The following DOCK1 variants were observed in gnomAD, a reference collection of about 807,000 sequenced individuals.
DOCK1 encodes dedicator of cytokinesis protein 1.
DOCK1 carries 138 observed loss-of-function variants against 262.7 expected under a neutral mutation model. The ratio of observed to expected loss-of-function variants is 0.53; its 90% confidence interval spans 0.46 to 0.61. The LOEUF (loss-of-function observed/expected upper bound fraction) is 0.61. DOCK1 is among the 20% of genes least tolerant of loss of function. The pLI, the probability that DOCK1 is intolerant of heterozygous loss-of-function variation, is 0.00. For synonymous variants in DOCK1, 866 were observed against 867.4 expected, an observed-to-expected ratio of 1.00 and a Z score of 0.03; for missense variants, 1,908 against 2,370.7, an observed-to-expected ratio of 0.80 and a Z score of 4.05.
At chr10:127,052,555 C>A in intron 21 of DOCK1, 126 bp from the exon 22 acceptor site, 10 of 1,269,282 alleles carry the variant, frequency 7.9e-6, no homozygotes, top group Non-Finnish European at 1.1e-5. Context: ...AAACGTTTTA[C>A]AGATATTCAT....
At chr10:127,208,773 G>A (rs1027855743) in intron 27 of DOCK1, among the ~76,000 whole-genome samples, 1 of 152,142 alleles carries the variant, frequency 6.6e-6, no homozygotes, top group Admixed American at 6.5e-5. Context: ...GATATCATCT[G>A]TTAGATGATA....
chr10:127,181,880 G>A (rs915578868), intron 27 of DOCK1, among the ~76,000 whole-genome samples: 1 of 152,180 alleles, frequency 6.6e-6, no homozygotes. Flanking sequence ...TTTCCTTGGG[G>A]CAAAGCCAGC....
At chr10:127,156,559 CTTCTTTTTTTTT>C (rs2053090624) in intron 27 of DOCK1, among the ~76,000 whole-genome samples, 1 of 60,180 alleles carries the variant, frequency 1.7e-5, no homozygotes, top group Non-Finnish European at 3.1e-5. Context: ...TCTTCTTCTT[CTTCTTTTTTTTT>C]TTTTTTTTTT....
At chr10:127,120,269 C>T (rs2049470349) in intron 25 of DOCK1, among the ~76,000 whole-genome samples, 1 of 152,186 alleles carries the variant, frequency 6.6e-6, no homozygotes, top group South Asian at 2.1e-4. Flanking sequence ...ACTCTGCTTA[C>T]AATAAATGCC....
At chr10:126,968,233 T>A (rs2037826781) in intron 1 of DOCK1, among the ~76,000 whole-genome samples, 1 of 152,048 alleles carries the variant, frequency 6.6e-6, no homozygotes, top group Non-Finnish European at 1.5e-5. Context: ...TCCGCTCCTC[T>A]CTCCTACTCC....
chr10:126,925,774 C>G (rs933593865), intron 1 of DOCK1, among the ~76,000 whole-genome samples: 1 of 137,938 alleles, frequency 7.2e-6, no homozygotes, highest in Non-Finnish European at 1.6e-5. Flanking sequence ...GTGTGTGCGC[C>G]TAGGTGCATC....
chr10:127,313,833 G>T (rs959750522), intron 29 of DOCK1, among the ~76,000 whole-genome samples: 1 of 152,136 alleles, frequency 6.6e-6, no homozygotes, highest in South Asian at 2.1e-4. Context: ...CCCTCGAGGG[G>T]ACTCCAAGAA....
intron 31 of DOCK1, among the ~76,000 whole-genome samples, chr10:127,350,316 C>T (rs1160025250): frequency 2.0e-5 from 3 of 151,856 alleles, no homozygotes; most frequent in Admixed American, 6.6e-5. Context: ...ACCCCTCACC[C>T]CCTGGTCTCT....
chr10:127,121,060 C>A (rs2049528539), intron 25 of DOCK1, among the ~76,000 whole-genome samples: 1 of 152,132 alleles, frequency 6.6e-6, no homozygotes, highest in African/African-American at 2.4e-5. Context: ...AAGCAAAGAG[C>A]CAGCAGGGGG....
chr10:127,060,790 G>A (rs1425996860), intron 22 of DOCK1, among the ~76,000 whole-genome samples: 1 of 152,156 alleles, frequency 6.6e-6, no homozygotes, highest in Non-Finnish European at 1.5e-5. Context: ...TACCACTGAT[G>A]TTGAAATGAA....
intron 29 of DOCK1, among the ~76,000 whole-genome samples, chr10:127,264,264 A>G (rs1182492913): frequency 6.6e-6 from 1 of 152,218 alleles, no homozygotes. Context: ...TAATAAAGAC[A>G]TGAAACCAGC....
rs552270989 is a variant in DOCK1 at position 127,152,541 on chromosome 10, G to T, written c.2847+24777G>T. Among the ~76,000 whole-genome samples, 14 of 152,282 alleles carry T rather than the reference G, an allele frequency of 9.2e-5. 1 individual carries two copies. The South Asian group carries it at 2.9e-3, about 32-fold the overall frequency. On this transcript the variant is annotated intron_variant, in intron 27 of 51. Transcript: ENST00000623213. ...GCCTCTTACAACACTCTAAGGTGGG[G>T]GTGGTTTCAGTAAGGTAGGCTTTCT...
chr10:127,001,499 T>G (rs1404651516), intron 10 of DOCK1: 2 of 152,256 alleles, frequency 1.3e-5, no homozygotes, highest in Non-Finnish European at 1.5e-5. Flanking sequence ...TTAGCGTTCA[T>G]TCTTGATGTT....
intron 21 of DOCK1, among the ~76,000 whole-genome samples, chr10:127,049,968 CTTTTTTTTTT>C (rs71941085): frequency 1.0e-5 from 1 of 100,074 alleles, no homozygotes. Context: ...AAACTGGCCT[CTTTTTTTTTT>C]TTTTTTTTTT....
rs1054279124 is a variant in DOCK1, at chr10:127,248,514, A to G, written c.2949+405A>G. Reference sequence around the variant, plus strand: ...ACTTTTCAGCTTTAAGTTGTACTCCATTATTAATTAGCTGTAATCATGGAA... The same window carrying G: ...ACTTTTCAGCTTTAAGTTGTACTCCGTTATTAATTAGCTGTAATCATGGAA... On this transcript the variant is annotated intron_variant, in intron 28 of 51. Transcript: ENST00000623213. 4.6e-5 allele frequency among the ~76,000 whole-genome samples: 7 copies of G among 152,346 alleles called. No homozygotes were observed. In the East Asian group the frequency reaches 1.2e-3, roughly 25 times the overall value.
intron 48 of DOCK1, among the ~76,000 whole-genome samples, chr10:127,433,963 G>A (rs1279870836): frequency 2.6e-5 from 4 of 151,940 alleles, no homozygotes; most frequent in African/African-American, 2.4e-5. Context: ...CTGGGAAAAA[G>A]CAAGGTGCAG....
At chr10:127,017,218 A>G (rs1319276705) in intron 12 of DOCK1, among the ~76,000 whole-genome samples, 2 of 146,478 alleles carry the variant, frequency 1.4e-5, no homozygotes, top group Admixed American at 6.9e-5. Context: ...TGCAGACACC[A>G]TTAAACACAG....
At chr10:126,932,854 G>A (rs976618264) in intron 1 of DOCK1, among the ~76,000 whole-genome samples, 144 of 152,100 alleles carry the variant, frequency 9.5e-4, no homozygotes, top group Non-Finnish European at 1.6e-3. Flanking sequence ...CACCGCAGGT[G>A]CCCAGAGTTC....
Position 126,999,392 on chromosome 10 carries a change from C to T in DOCK1, c.806C>T (p.Pro269Leu). 1.2e-6 allele frequency: 2 copies of T among 1,613,412 alleles called. No homozygotes were observed. Among genetic ancestry groups the T allele is most frequent in the Non-Finnish European group, 1.7e-6 (2 of 1,179,648 alleles). Residue 269 changes from proline to leucine, a missense_variant, in exon 9 of 52, where the codon CCT becomes CTT. Coordinates refer to ENST00000623213, the MANE Select transcript of DOCK1 (RefSeq NM_001290223.2). ...GTTCGCTGGTCCAGTTCAGGATTACCTAAAGACATAGACAGATTACATAAT... is the reference window on the plus strand; with the variant it reads ...GTTCGCTGGTCCAGTTCAGGATTACTTAAAGACATAGACAGATTACATAAT... Reference protein sequence around the residue: ...YLVRWSSSGLPKDIDRLHNLR... With the variant: ...YLVRWSSSGLLKDIDRLHNLR...
Sources: allele counts gnomAD v4.1 joint callset (sites outside exome capture counted in the v4.1 genomes callset), GRCh38; gene constraint gnomAD v4.1.1; transcripts MANE v1.5; gene names NCBI Gene and HGNC (gene_info 2026-07-23, HGNC 2026-07-21).